The following HS3ST4 variants were observed in gnomAD, a reference collection of about 807,000 sequenced individuals.
The protein encoded by HS3ST4 is heparan sulfate glucosamine 3-O-sulfotransferase 4.
In HS3ST4, 17 loss-of-function variants were observed where a neutral mutation model predicts 29.2. The observed-to-expected ratio is 0.58, with a 90% CI of 0.40 to 0.87. The LOEUF is 0.87. Among genes scored for constraint, HS3ST4 ranks in the 40% least tolerant of loss-of-function variants. The pLI, the probability that HS3ST4 is intolerant of heterozygous loss-of-function variation, is 0.00. For missense variants in HS3ST4, 627 were observed against 634.5 expected, an observed-to-expected ratio of 0.99 and a Z score of 0.13; for synonymous variants, 314 against 285.7, an observed-to-expected ratio of 1.10 and a Z score of -1.00.
intron 1 of HS3ST4, among the ~76,000 whole-genome samples, chr16:25,776,040 C>A (rs969468294): frequency 9.2e-5 from 14 of 152,192 alleles, no homozygotes; most frequent in African/African-American, 3.4e-4. Context: ...AAGTTAGCCT[C>A]CTCCTCTCAG....
chr16:25,775,030 G>T (rs923055929), intron 1 of HS3ST4, among the ~76,000 whole-genome samples: 1 of 152,174 alleles, frequency 6.6e-6, no homozygotes, highest in Non-Finnish European at 1.5e-5. Flanking sequence ...TGTTATTTAT[G>T]CAGGGGCCTT....
At chr16:25,913,185 C>T (rs150914943) in intron 1 of HS3ST4, among the ~76,000 whole-genome samples, 2 of 152,312 alleles carry the variant, frequency 1.3e-5, no homozygotes, top group Non-Finnish European at 2.9e-5. Flanking sequence ...GATAAATTCC[C>T]GGATACTGAT....
intron 1 of HS3ST4, among the ~76,000 whole-genome samples, chr16:25,900,065 T>C (rs1437834342): frequency 1.3e-5 from 2 of 152,230 alleles, no homozygotes; most frequent in African/African-American, 4.8e-5. Flanking sequence ...TCATGCATAG[T>C]TGAAAACATT....
At chr16:26,009,735 A>G (rs757069947) in intron 1 of HS3ST4, among the ~76,000 whole-genome samples, 2 of 152,234 alleles carry the variant, frequency 1.3e-5, no homozygotes, top group Non-Finnish European at 2.9e-5. Flanking sequence ...CTCACATTTT[A>G]TGAGCTAAAG....
intron 1 of HS3ST4, among the ~76,000 whole-genome samples, chr16:25,750,155 A>C (rs753670787): frequency 6.6e-6 from 1 of 152,166 alleles, no homozygotes; most frequent in Non-Finnish European, 1.5e-5. Flanking sequence ...GCTGGTATGA[A>C]ACAAAAACTG....
intron 1 of HS3ST4, among the ~76,000 whole-genome samples, chr16:25,733,169 C>T (rs1468687270): frequency 6.6e-6 from 1 of 152,186 alleles, no homozygotes; most frequent in Non-Finnish European, 1.5e-5. Flanking sequence ...TATCAAGATG[C>T]AAACACATGC....
intron 1 of HS3ST4, among the ~76,000 whole-genome samples, chr16:25,871,103 A>G (rs556780106): frequency 4.3e-4 from 65 of 152,316 alleles, no homozygotes; most frequent in African/African-American, 1.5e-3. Flanking sequence ...GAAGCAGATG[A>G]CAATACAGGA....
intron 1 of HS3ST4, among the ~76,000 whole-genome samples, chr16:25,780,594 A>G (rs1004464395): frequency 1.3e-5 from 2 of 152,182 alleles, no homozygotes; most frequent in African/African-American, 4.8e-5. Context: ...TTGCTTTGTC[A>G]CTAACTCTCA....
In HS3ST4 at chr16:26,060,385, C is replaced by G. The variant is rs143534932; in HGVS notation, c.735-75227C>G. On this transcript the variant is annotated intron_variant, in intron 1 of 1. Coordinates refer to ENST00000331351, the MANE Select transcript of HS3ST4 (RefSeq NM_006040.3). ...CACCAGATTAACTTCAATTCTACAC[C>G]AGCTCGTCTTACTCCCTTGCTCCAG... Among the ~76,000 whole-genome samples the G allele has an allele frequency of 1.1e-4, 17 of 152,268 alleles. No individual in the cohort carries two copies. The East Asian group carries it at 3.3e-3, about 29-fold the overall frequency.
At chr16:25,816,052 A>ATAAAATTTTATTTT (rs1372941274) in intron 1 of HS3ST4, among the ~76,000 whole-genome samples, 1 of 152,204 alleles carries the variant, frequency 6.6e-6, no homozygotes, top group Non-Finnish European at 1.5e-5. Flanking sequence ...TAAAAATCTA[A>ATAAAATTTTATTTT]AGGAGAAATA....
rs114152244 is a variant in HS3ST4 at position 26,132,671 on chromosome 16, G to A, written c.735-2941G>A. Among the ~76,000 whole-genome samples, 1,443 of 152,280 alleles carry A rather than the reference G, an allele frequency of 9.5e-3. 18 individuals are homozygous for A. The highest frequency in any genetic ancestry group is 0.033 in the African/African-American group (1,362 of 41,534). ...AGGAGATGAATTTGAATGGGGCTCA[G>A]TGCAAAGAGAAGCATTGAGGTCTAA... On this transcript the variant is annotated intron_variant, in intron 1 of 1. Coordinates refer to ENST00000331351, the MANE Select transcript of HS3ST4 (RefSeq NM_006040.3).
At chr16:25,886,322 C>T (rs922823875) in intron 1 of HS3ST4, among the ~76,000 whole-genome samples, 4 of 152,136 alleles carry the variant, frequency 2.6e-5, no homozygotes, top group Non-Finnish European at 4.4e-5. Context: ...AGTGAGCCAC[C>T]ATGTCCAGCC....
chr16:26,105,480 C>A (rs1319854098), intron 1 of HS3ST4, among the ~76,000 whole-genome samples: 2 of 152,192 alleles, frequency 1.3e-5, no homozygotes, highest in Non-Finnish European at 2.9e-5. Flanking sequence ...TGCACATATA[C>A]CCCTGTGATT....
chr16:25,884,147 G>A (rs1435523052), intron 1 of HS3ST4, among the ~76,000 whole-genome samples: 1 of 152,002 alleles, frequency 6.6e-6, no homozygotes, highest in East Asian at 1.9e-4. Context: ...ACCTAGTTCA[G>A]AGCCATGTCT....
At position 25,692,156 on chromosome 16, in the gene HS3ST4, A is replaced by AG. The variant is rs1247857149; in HGVS notation, c.-254dup. On this transcript the variant is annotated 5_prime_UTR_variant, in exon 1 of 2. Transcript: ENST00000331351. ...CCCTCGGTCCCCTTGCCTGAGGCTGAGGGGGGGGCGGTGGTGGGGGGGCCA... is the reference window on the plus strand; with the variant it reads ...CCCTCGGTCCCCTTGCCTGAGGCTGAGGGGGGGGGCGGTGGTGGGGGGGCCA... 916 of 127,120 alleles carry AG rather than the reference A, an allele frequency of 7.2e-3. 9 individuals are homozygous for AG. The highest frequency in any genetic ancestry group is 0.024 in the African/African-American group (831 of 35,188). 7.9% of individuals were successfully genotyped at this position (127,120 alleles called of 1,614,324 possible).
chr16:25,842,234 C>T (rs1412997097), intron 1 of HS3ST4, among the ~76,000 whole-genome samples: 1 of 152,208 alleles, frequency 6.6e-6, no homozygotes, highest in African/African-American at 2.4e-5. Context: ...TTTGGAATTA[C>T]ACATGGCACT....
At chr16:26,070,077 T>C (rs985775760) in intron 1 of HS3ST4, among the ~76,000 whole-genome samples, 1 of 152,142 alleles carries the variant, frequency 6.6e-6, no homozygotes, top group Non-Finnish European at 1.5e-5. Flanking sequence ...TACCCAGTAA[T>C]GGGATGGCTG....
chr16:26,022,696 A>G (rs965120123), intron 1 of HS3ST4, among the ~76,000 whole-genome samples: 5 of 104,944 alleles, frequency 4.8e-5, no homozygotes, highest in African/African-American at 1.3e-4. Context: ...TTTTTTTTTT[A>G]AGAGAGTCTT....
intron 1 of HS3ST4, among the ~76,000 whole-genome samples, chr16:25,746,196 T>C (rs1209185631): frequency 1.3e-5 from 2 of 152,220 alleles, no homozygotes; most frequent in Non-Finnish European, 2.9e-5. Context: ...TTGGCCATGT[T>C]TAATTGAAAG....
Sources: gnomAD v4.1 joint callset for allele counts (sites outside exome capture counted in the v4.1 genomes callset) on GRCh38, gnomAD v4.1.1 for gene constraint, MANE v1.5 for transcripts, NCBI Gene and HGNC (gene_info 2026-07-23, HGNC 2026-07-21) for gene names.